Variants in GDF5 observed in about 807,000 individuals in gnomAD.
The protein encoded by GDF5 is growth/differentiation factor 5.
Under a neutral mutation model 34.6 loss-of-function variants are expected in GDF5, and 17 were observed. That is an observed-to-expected ratio of 0.49 (90% CI 0.34 to 0.74). GDF5 has a LOEUF of 0.74. Ranked by LOEUF, GDF5 falls within the 30% of genes least tolerant of loss-of-function variation. The pLI, the probability that GDF5 is intolerant of heterozygous loss-of-function variation, is 0.01. For missense variants in GDF5, 616 were observed against 661.2 expected, an observed-to-expected ratio of 0.93 and a Z score of 0.75; for synonymous variants, 332 against 290.7, an observed-to-expected ratio of 1.14 and a Z score of -1.44.
At chr20:35,449,044 G>A (rs1206396184) in intron 1 of GDF5, among the ~76,000 whole-genome samples, 1 of 152,168 alleles carries the variant, frequency 6.6e-6, no homozygotes, top group Non-Finnish European at 1.5e-5. Context: ...AGGAGTGTCC[G>A]GCATTCCTAA....
At chr20:35,446,826 G>A (rs761577779) in intron 1 of GDF5, among the ~76,000 whole-genome samples, 3 of 151,924 alleles carry the variant, frequency 2.0e-5, no homozygotes, top group Non-Finnish European at 4.4e-5. Context: ...TACAGGTTAG[G>A]AGCTGGCAGG....
chr20:35,448,037 A>G (rs1438085721), intron 1 of GDF5, among the ~76,000 whole-genome samples: 2 of 152,202 alleles, frequency 1.3e-5, no homozygotes, highest in Non-Finnish European at 2.9e-5. Flanking sequence ...AATCATGTTC[A>G]TTGTAAAAAT....
Position 35,451,147 on chromosome 20 carries a change from T to C in GDF5, c.-398+3493A>G, listed in dbSNP as rs527438165. On this transcript the variant is annotated intron_variant, in intron 1 of 3. Coordinates refer to the GDF5 transcript ENST00000374372. ...CTCATTTTGAAATTTCACATACATATATATATATATTTTTTAATTCAGTTA... is the reference window on the plus strand; with the variant it reads ...CTCATTTTGAAATTTCACATACATACATATATATATTTTTTAATTCAGTTA... Among the ~76,000 whole-genome samples the C allele has an allele frequency of 5.4e-5, 8 of 147,410 alleles. No individual in the cohort carries two copies. In the East Asian group the frequency reaches 1.6e-3, roughly 29 times the overall value.
At chr20:35,450,040 C>T (rs139115541) in intron 1 of GDF5, among the ~76,000 whole-genome samples, 24 of 150,266 alleles carry the variant, frequency 1.6e-4, no homozygotes, top group African/African-American at 4.9e-4. Flanking sequence ...TCGCGGCTCA[C>T]GCCTGTAATC....
Position 35,433,672 on chromosome 20 carries a change from G to T in GDF5, c.*237C>A. On this transcript the variant is annotated 3_prime_UTR_variant, in exon 2 of 2. Coordinates refer to ENST00000374369, the MANE Select transcript of GDF5 (RefSeq NM_000557.5). ...ATTCAGAGTCTGTCTCCCTGGACCT[G>T]TGCCTGCCACTGGTCACATCAGCAG... is the stretch of plus-strand genomic sequence containing the variant. 1 of 590,586 alleles carries T rather than the reference G, an allele frequency of 1.7e-6. No homozygotes were observed. Among genetic ancestry groups the T allele is most frequent in the Non-Finnish European group, 3.1e-6 (1 of 324,340 alleles). 36.6% of individuals were successfully genotyped at this position (590,586 alleles called of 1,614,324 possible). A position where few individuals can be genotyped will look rare whatever the true frequency, so the allele number is the denominator to read the frequency against.
At chr20:35,450,136 C>T (rs148399252) in intron 1 of GDF5, among the ~76,000 whole-genome samples, 1 of 148,432 alleles carries the variant, frequency 6.7e-6, no homozygotes, top group Non-Finnish European at 1.5e-5. Context: ...AACCCCATCT[C>T]TACTGAAAAA....
Position 35,449,384 on chromosome 20 carries a change from T to C in GDF5, c.-398+5256A>G, listed in dbSNP as rs564765292. Among the ~76,000 whole-genome samples the C allele has an allele frequency of 2.3e-4, 35 of 152,172 alleles. 1 individual carries two copies. The highest frequency in any genetic ancestry group is 8.2e-4 in the African/African-American group (34 of 41,510). On this transcript the variant is annotated intron_variant, in intron 1 of 3. Coordinates refer to the GDF5 transcript ENST00000374372. Reference sequence around the variant, plus strand: ...TCAACCTCCTGGGCTCAAGCGATCCTTCCTACCTCAGCCTCCAGAATAGTT... The same window carrying C: ...TCAACCTCCTGGGCTCAAGCGATCCCTCCTACCTCAGCCTCCAGAATAGTT...
chr20:35,449,309 TG>T (rs1397022121), intron 1 of GDF5, among the ~76,000 whole-genome samples: 1 of 151,766 alleles, frequency 6.6e-6, no homozygotes, highest in Non-Finnish European at 1.5e-5. Flanking sequence ...AGGGTCTTGC[TG>T]TGTTGCCCAG....
At chr20:35,436,269 G>A (rs555243775) in intron 1 of GDF5, among the ~76,000 whole-genome samples, 2 of 152,174 alleles carry the variant, frequency 1.3e-5, no homozygotes, top group South Asian at 4.1e-4. Context: ...TCCCTGGCTG[G>A]GCAGGCAGCC....
chr20:35,444,154 C>A (rs1031884080), intron 1 of GDF5, among the ~76,000 whole-genome samples: 1 of 152,164 alleles, frequency 6.6e-6, no homozygotes, highest in African/African-American at 2.4e-5. Flanking sequence ...GGTATCTAGC[C>A]ATGGACAAGA....
chr20:35,453,863 T>C, intron 1 of GDF5: 1 of 530,546 alleles, frequency 1.9e-6, no homozygotes, highest in Non-Finnish European at 3.9e-6. Context: ...ACCTATTTTG[T>C]ACCAGGCCTT....
At position 35,434,428 on chromosome 20, in the gene GDF5, G is replaced by A. The variant is rs1395394096; in HGVS notation, c.987C>T (p.Phe329=). 11 of 1,613,504 alleles carry A rather than the reference G, an allele frequency of 6.8e-6. No homozygotes were observed. The highest frequency in any genetic ancestry group is 9.3e-6 in the Non-Finnish European group (11 of 1,179,848). ...GRAVDLRGLG[F]DRAARQVHEK... is the part of the protein sequence containing the mutation. ...CGTGGACCTGCCGGGCGGCGCGGTCGAAGCCCAGGCCACGGAGGTCCACGG... is the reference window on the plus strand; with the variant it reads ...CGTGGACCTGCCGGGCGGCGCGGTCAAAGCCCAGGCCACGGAGGTCCACGG... The change falls in exon 2 of 2, where the codon TTC becomes TTT. Residue 329 remains phenylalanine (F), a synonymous_variant. Transcript: ENST00000374369.
Position 35,437,368 on chromosome 20 carries a change from T to C in GDF5, c.561A>G (p.Gly187=). The part of the protein sequence containing the change: ...YRTLSDADRK[G]GNSSVKLEAG... ...CCTCCAACTTCACGCTGCTGTTGCC[T>C]CCCTTTCTGTCAGCATCGGACAGCG... The change falls in exon 1 of 2, where the codon GGA becomes GGG. Residue 187 remains glycine, a synonymous_variant. Transcript: ENST00000374369. 2 of 1,612,712 alleles carry C rather than the reference T, an allele frequency of 1.2e-6. No homozygotes were observed. The highest frequency in any genetic ancestry group is 1.7e-6 in the Non-Finnish European group (2 of 1,178,954).
At chr20:35,436,709 G>A (rs144071657) in intron 1 of GDF5, among the ~76,000 whole-genome samples, 133 of 152,206 alleles carry the variant, frequency 8.7e-4, no homozygotes, top group African/African-American at 3.1e-3. Context: ...ATGGGAAAAC[G>A]GAGACCCCAA....
intron 1 of GDF5, chr20:35,454,129 G>T (rs1171011024): frequency 2.4e-6 from 1 of 419,950 alleles, no homozygotes; most frequent in African/African-American, 2.1e-5. Flanking sequence ...CAGGTAAATG[G>T]AGTTTACAAC....
chr20:35,440,233 G>C (rs570204786), upstream of GDF5, among the ~76,000 whole-genome samples: 7 of 149,622 alleles, frequency 4.7e-5, no homozygotes, highest in East Asian at 1.5e-3. Context: ...GCCGGGTGTG[G>C]AGGCAAAGGT....
chr20:35,439,018 C>G (rs543404135), upstream of GDF5, among the ~76,000 whole-genome samples: 16 of 151,768 alleles, frequency 1.1e-4, no homozygotes, highest in Admixed American at 8.5e-4. Context: ...CCCACTACAC[C>G]CCCTCCCTAC....
chr20:35,439,519 G>A (rs1016000792), upstream of GDF5, among the ~76,000 whole-genome samples: 5 of 152,058 alleles, frequency 3.3e-5, no homozygotes, highest in Admixed American at 2.0e-4. Flanking sequence ...GAGCCACCGC[G>A]CCGGGCACAA....
Position 35,434,552 on chromosome 20 carries a change from C to A in GDF5, c.863G>T (p.Gly288Val). The A allele has an allele frequency of 6.3e-7, 1 of 1,589,010 alleles. No homozygotes were observed. Among genetic ancestry groups the A allele is most frequent in the South Asian group, 1.1e-5 (1 of 88,092 alleles). ...LDVRSVPGLD[G>V]SGWEVFDIWK... is the part of the protein sequence containing the mutation. Reference sequence around the variant, plus strand: ...GATGTCGAACACCTCCCAGCCAGATCCGTCCAGGCCTGGCACGGAGCGCAC... The same window carrying A: ...GATGTCGAACACCTCCCAGCCAGATACGTCCAGGCCTGGCACGGAGCGCAC... The change falls in exon 2 of 2, where the codon GGA (glycine) becomes GTA (valine). Residue 288 changes from glycine (G) to valine (V), a missense_variant. Coordinates refer to ENST00000374369, the MANE Select transcript of GDF5 (RefSeq NM_000557.5).
Sources: gnomAD v4.1 joint callset for allele counts (sites outside exome capture counted in the v4.1 genomes callset) on GRCh38, gnomAD v4.1.1 for gene constraint, MANE v1.5 for transcripts, NCBI Gene and HGNC (gene_info 2026-07-23, HGNC 2026-07-21) for gene names.